The following ARMH3 variants were observed in gnomAD, a reference collection of about 807,000 sequenced individuals.
ARMH3 encodes the protein armadillo-like helical domain-containing protein 3.
In ARMH3, 60 loss-of-function variants were observed where a neutral mutation model predicts 99.1. The observed-to-expected ratio is 0.61, with a 90% CI of 0.49 to 0.75. ARMH3 has a LOEUF of 0.75. ARMH3 is among the 30% of genes least tolerant of loss of function. The pLI, the probability that ARMH3 is intolerant of heterozygous loss-of-function variation, is 0.00. For synonymous variants in ARMH3, 285 were observed against 292.8 expected (o/e 0.97, Z 0.27); for missense variants, 679 against 843.1 (o/e 0.81, Z 2.41).
rs541361207 is a variant in ARMH3 at position 101,911,458 on chromosome 10, T to C, written c.1782-21968A>G. On this transcript the variant is annotated intron_variant, in intron 23 of 25. Coordinates refer to ENST00000370033, the MANE Select transcript of ARMH3 (RefSeq NM_024541.3). Reference sequence around the variant, plus strand: ...AGAGTCTTGTCAAAAAGATGTAGGCTGGACGCAGAGGCTTGTACCTGTAAT... The same window carrying C: ...AGAGTCTTGTCAAAAAGATGTAGGCCGGACGCAGAGGCTTGTACCTGTAAT... Among the ~76,000 whole-genome samples the C allele has an allele frequency of 1.3e-4, 20 of 152,330 alleles. No homozygotes were observed. The South Asian group carries it at 3.5e-3, about 27-fold the overall frequency.
At chr10:101,954,494 G>A (rs1256296165) in intron 22 of ARMH3, among the ~76,000 whole-genome samples, 24 of 152,184 alleles carry the variant, frequency 1.6e-4, no homozygotes, top group Non-Finnish European at 2.9e-5. Flanking sequence ...CAAGAGAACA[G>A]AAAACAGATC....
intron 19 of ARMH3, among the ~76,000 whole-genome samples, chr10:101,983,753 AC>A (rs1846333973): frequency 6.6e-6 from 1 of 151,982 alleles, no homozygotes; most frequent in African/African-American, 2.4e-5. Flanking sequence ...TTCAGACCTC[AC>A]CCTATGTATC....
rs201870535 is a variant in ARMH3 at position 102,001,932 on chromosome 10, C to T, written c.1150+39G>A. The T allele has an allele frequency of 2.9e-3, 4,634 of 1,575,598 alleles. 10 individuals are homozygous for T. The highest frequency in any genetic ancestry group is 3.2e-3 in the Non-Finnish European group (3,660 of 1,146,748). ...TCTTTGATGCTAGCTGCCTGCCACA[C>T]CTTTGACTTCCTGAGCCCCCAAAAT... On this transcript the variant is annotated intron_variant, in intron 15 of 25. Coordinates refer to ENST00000370033, the MANE Select transcript of ARMH3 (RefSeq NM_024541.3).
intron 8 of ARMH3, among the ~76,000 whole-genome samples, chr10:102,019,463 G>T (rs1487797066): frequency 1.3e-5 from 2 of 152,116 alleles, no homozygotes; most frequent in African/African-American, 4.8e-5. Context: ...TCCAGAGGAA[G>T]GCATTATTAT....
chr10:101,973,465 A>G (rs1037400566), intron 20 of ARMH3, among the ~76,000 whole-genome samples: 7 of 152,302 alleles, frequency 4.6e-5, no homozygotes, highest in Middle Eastern at 6.8e-3. Flanking sequence ...ATGCATGACT[A>G]TAATAACACA....
intron 1 of ARMH3, among the ~76,000 whole-genome samples, chr10:102,055,393 T>C (rs1023412686): frequency 3.3e-5 from 5 of 152,180 alleles, no homozygotes; most frequent in African/African-American, 1.2e-4. Flanking sequence ...GTGACATACA[T>C]TTGGGTATGG....
intron 21 of ARMH3, 45 bp downstream of exon 21, chr10:101,957,605 T>C (rs1845097823): frequency 6.4e-7 from 1 of 1,563,572 alleles, no homozygotes; most frequent in Admixed American, 1.9e-5. Context: ...CATTTCTGCC[T>C]TAGCATATGG....
At chr10:101,954,127 A>C (rs1844922922) in intron 22 of ARMH3, among the ~76,000 whole-genome samples, 1 of 152,106 alleles carries the variant, frequency 6.6e-6, no homozygotes, top group Admixed American at 6.5e-5. Context: ...AGGAGGTAAA[A>C]GCTCCAGTGA....
intron 24 of ARMH3, among the ~76,000 whole-genome samples, chr10:101,883,174 G>A (rs2135417013): frequency 6.6e-6 from 1 of 152,266 alleles, no homozygotes; most frequent in South Asian, 2.1e-4. Flanking sequence ...CAGCACTTTG[G>A]GAGGACAAGA....
chr10:102,037,228 C>G (rs755785865), intron 2 of ARMH3, among the ~76,000 whole-genome samples: 1 of 146,944 alleles, frequency 6.8e-6, no homozygotes, highest in Non-Finnish European at 1.5e-5. Context: ...GTCACCCAGG[C>G]TGTAGTGCAA....
Position 101,993,523 on chromosome 10 carries a change from A to C in ARMH3, c.1275+15T>G. On this transcript the variant is annotated intron_variant, in intron 17 of 25. Transcript: ENST00000370033. ...TTTCCTCTAAGAAAAAACAAGAAGC[A>C]AAAGAAACACCTACCATTCTATGTA... 1 of 1,572,526 alleles carries C rather than the reference A, an allele frequency of 6.4e-7. No individual in the cohort carries two copies. Among genetic ancestry groups the C allele is most frequent in the Non-Finnish European group, 8.6e-7 (1 of 1,161,484 alleles).
Position 102,033,161 on chromosome 10 carries a change from C to G in ARMH3, c.171G>C (p.Glu57Asp), listed in dbSNP as rs369790637. 16 of 1,614,048 alleles carry G rather than the reference C, an allele frequency of 9.9e-6. No homozygotes were observed. Among genetic ancestry groups the G allele is most frequent in the East Asian group, 6.7e-5 (3 of 44,892 alleles). ...GAGATTCCAGCTTGCCTTCTAGGTA[C>G]TCTAAATTCACCTGCCAAGGAAACA... is the stretch of plus-strand genomic sequence containing the variant. ...EELFLMKVNL[E>D]YLEGKLESLD... The change falls in exon 4 of 26, where the codon GAG becomes GAC. Residue 57 changes from glutamate to aspartate, a missense_variant. Transcript: ENST00000370033.
intron 23 of ARMH3, among the ~76,000 whole-genome samples, chr10:101,917,534 T>C (rs1388818854): frequency 6.6e-6 from 1 of 152,234 alleles, no homozygotes; most frequent in African/African-American, 2.4e-5. Context: ...GTTTTGACAG[T>C]GTATAAATAA....
chr10:102,005,686 A>T (rs1043591354), intron 14 of ARMH3, among the ~76,000 whole-genome samples: 1 of 152,234 alleles, frequency 6.6e-6, no homozygotes, highest in Non-Finnish European at 1.5e-5. Context: ...ATTAACATAG[A>T]TTGTTTTTAG....
chr10:101,872,222 A>AGT (rs139187179), intron 24 of ARMH3, among the ~76,000 whole-genome samples: 96 of 150,148 alleles, frequency 6.4e-4, no homozygotes, highest in African/African-American at 1.6e-3. Flanking sequence ...ATATTTAGAG[A>AGT]GTGTGTGTGT....
intron 2 of ARMH3, among the ~76,000 whole-genome samples, chr10:102,036,285 C>T (rs1252156282): frequency 2.6e-5 from 4 of 151,368 alleles, no homozygotes; most frequent in East Asian, 2.0e-4. Context: ...GCCGCCGCCC[C>T]GTCCAGGAGG....
At chr10:101,891,871 G>A (rs993870688) in intron 23 of ARMH3, among the ~76,000 whole-genome samples, 2 of 152,178 alleles carry the variant, frequency 1.3e-5, no homozygotes, top group African/African-American at 4.8e-5. Flanking sequence ...CACTTTGAGA[G>A]GCTAAGGTGA....
chr10:101,867,027 C>T (rs1413810666), intron 24 of ARMH3, among the ~76,000 whole-genome samples: 1 of 152,082 alleles, frequency 6.6e-6, no homozygotes, highest in African/African-American at 2.4e-5. Context: ...GGAAAGTGAC[C>T]GACAAGATTT....
chr10:101,992,054 A>G lies in ARMH3; in HGVS notation c.1276-16T>C. ...GTCTCATAGGCTTCACACCAAAAAA[A>G]TGAAGAAAGGAAATTAGTAGACACC... is the stretch of plus-strand genomic sequence containing the variant. On this transcript the variant is annotated splice_polypyrimidine_tract_variant and intron_variant, in intron 17 of 25. Transcript: ENST00000370033. The G allele has an allele frequency of 6.2e-7, 1 of 1,611,472 alleles. No homozygotes were observed. Among genetic ancestry groups the G allele is most frequent in the Non-Finnish European group, 8.5e-7 (1 of 1,177,586 alleles).
Sources: gnomAD v4.1 joint callset for allele counts (sites outside exome capture counted in the v4.1 genomes callset) on GRCh38, gnomAD v4.1.1 for gene constraint, MANE v1.5 for transcripts, NCBI Gene and HGNC (gene_info 2026-07-23, HGNC 2026-07-21) for gene names.